Variants in ACACA observed in about 807,000 individuals in gnomAD.
ACACA encodes the protein acetyl-CoA carboxylase 1.
Under a neutral mutation model 296.1 loss-of-function variants are expected in ACACA, and 103 were observed. That is an observed-to-expected ratio of 0.35 (90% confidence interval 0.30 to 0.41). ACACA has a LOEUF of 0.41. ACACA is among the 10% of genes least tolerant of loss of function. The pLI, the probability that ACACA is intolerant of heterozygous loss-of-function variation, is 1.00. For missense variants in ACACA, 1,554 were observed against 2,989.7 expected (o/e 0.52, Z 11.20); for synonymous variants, 953 against 1,038.6 (o/e 0.92, Z 1.58).
In ACACA at chr17:37,260,290, ATATATATTTTTTT is replaced by A. The variant is rs1157323030; in HGVS notation, c.1330-773_1330-761del. ...TATATATATATATATATATATATATATATATATTTTTTTTTTTTTTTTTTTTGGAGATGGAGTC... is the reference window on the plus strand; with the variant it reads ...TATATATATATATATATATATATATATTTTTTTTTTTTTGGAGATGGAGTC... On this transcript the variant is annotated intron_variant, in intron 11 of 55. Transcript: ENST00000616317. 4.2e-3 allele frequency among the ~76,000 whole-genome samples: 74 copies of A among 17,564 alleles called. 3 individuals carry two copies. The highest frequency in any genetic ancestry group is 0.021 in the East Asian group (9 of 422). 11.5% of individuals were successfully genotyped at this position (17,564 alleles called of 152,430 possible).
At chr17:37,257,589 G>A (rs1269062481) in intron 14 of ACACA, 114 bp downstream of exon 14, 3 of 1,039,488 alleles carry the variant, frequency 2.9e-6, no homozygotes, top group Admixed American at 4.3e-5. Flanking sequence ...CTTCAAAAAG[G>A]TTGTTCATAT....
intron 35 of ACACA, among the ~76,000 whole-genome samples, chr17:37,196,407 AAAC>A (rs1392837888): frequency 6.6e-6 from 1 of 152,118 alleles, no homozygotes; most frequent in Admixed American, 6.6e-5. Flanking sequence ...AATAGTCATA[AAAC>A]AACAACTCTC....
At chr17:37,099,484 G>T (rs1038498470) in intron 52 of ACACA, among the ~76,000 whole-genome samples, 53 of 132,274 alleles carry the variant, frequency 4.0e-4, no homozygotes, top group South Asian at 7.0e-4. Flanking sequence ...GGGCTGATGG[G>T]AGGAGGGCTG....
chr17:37,337,101 C>T (rs904146948), intron 2 of ACACA, among the ~76,000 whole-genome samples: 35 of 152,146 alleles, frequency 2.3e-4, no homozygotes, highest in African/African-American at 8.2e-4. Flanking sequence ...AGGCCAGCAT[C>T]CATTAATCTA....
At chr17:37,329,508 G>A (rs974448176) in intron 3 of ACACA, among the ~76,000 whole-genome samples, 2 of 151,908 alleles carry the variant, frequency 1.3e-5, no homozygotes, top group Non-Finnish European at 2.9e-5. Flanking sequence ...AGGCGCAAGG[G>A]CATGCACTTG....
At chr17:37,289,494 C>A (rs1340879063) in intron 3 of ACACA, 1 of 1,352,026 alleles carries the variant, frequency 7.4e-7, no homozygotes, top group Admixed American at 1.9e-5. Context: ...ACCCTCTAGG[C>A]ACCTCCACTT....
rs2074083596 is a variant in ACACA at position 37,113,439 on chromosome 17, G to T, written c.6275-174C>A. 6.6e-6 allele frequency among the ~76,000 whole-genome samples: 1 copy of T among 152,128 alleles called. No individual in the cohort carries two copies. The highest frequency in any genetic ancestry group is 6.5e-5 in the Admixed American group (1 of 15,268). ...CTGTATCCCATTCAAGACTCCAGAG[G>T]ATCTTCAAAAGCACAAGACAGCAAC... On this transcript the variant is annotated intron_variant, in intron 50 of 55. Transcript: ENST00000616317. This position sits in a 1 kb window ranked among gnomAD's most constrained non-coding sequence, Gnocchi z 4.0.
intron 41 of ACACA, chr17:37,162,555 G>C (rs545120418): frequency 7.6e-6 from 2 of 262,966 alleles, no homozygotes; most frequent in African/African-American, 2.3e-5. Context: ...GTTTATGCTA[G>C]ATCTGGTTGT....
intron 55 of ACACA, 138 bp downstream of exon 55, chr17:37,088,800 C>G: frequency 8.4e-7 from 1 of 1,184,712 alleles, no homozygotes; most frequent in Non-Finnish European, 1.3e-6. Context: ...ACCTGTGGGT[C>G]AACTACAGCT....
At chr17:37,339,907 A>G (rs1275004621) in intron 1 of ACACA, 57 bp from the exon 2 acceptor site, 2 of 906,146 alleles carry the variant, frequency 2.2e-6, no homozygotes, top group Admixed American at 4.0e-5. Flanking sequence ...AACTTTTGTC[A>G]ATTCCTGTTT....
intron 41 of ACACA, among the ~76,000 whole-genome samples, chr17:37,176,846 A>C (rs2077134629): frequency 6.6e-6 from 1 of 152,160 alleles, no homozygotes; most frequent in East Asian, 1.9e-4. Flanking sequence ...AATCTAGCTA[A>C]GGCCAATGAC....
intron 10 of ACACA, among the ~76,000 whole-genome samples, chr17:37,270,541 C>T (rs1236254494): frequency 6.6e-6 from 1 of 152,256 alleles, no homozygotes; most frequent in African/African-American, 2.4e-5. Context: ...TTTGAATTAC[C>T]TAATTAAATA....
chr17:37,244,198 TAA>T (rs554571885), intron 21 of ACACA, among the ~76,000 whole-genome samples: 36 of 120,340 alleles, frequency 3.0e-4, no homozygotes, highest in Middle Eastern at 4.2e-3. Context: ...CCACCTCTAC[TAA>T]AAAAAAAAAA....
rs2075021401 is a variant in ACACA, at chr17:37,130,192, G to A, written c.5706C>T (p.Ser1902=). 1.2e-6 allele frequency: 2 copies of A among 1,614,060 alleles called. No homozygotes were observed. The highest frequency in any genetic ancestry group is 1.1e-5 in the South Asian group (1 of 91,082). ...NKVLGREVYT[S]NNQLGGIQIM... ...TCTGGATGCCCCCCAGCTGGTTATT[G>A]GAGGTGTACACTTCCCGCCCGAGGA... The change falls in exon 46 of 56, where the codon TCC becomes TCT. Residue 1902 remains serine (S), a synonymous_variant. Transcript: ENST00000616317.
chr17:37,252,545 A>G (rs1383743934), intron 15 of ACACA, among the ~76,000 whole-genome samples: 1 of 152,174 alleles, frequency 6.6e-6, no homozygotes, highest in Non-Finnish European at 1.5e-5. Context: ...ATAAGTGATA[A>G]CTCTTGATCT....
intron 1 of ACACA, among the ~76,000 whole-genome samples, chr17:37,346,671 C>T (rs1016259479): frequency 1.4e-5 from 2 of 145,042 alleles, no homozygotes; most frequent in African/African-American, 2.6e-5. Context: ...CACTGCACTC[C>T]AGCCTAGGCG....
At chr17:37,356,693 A>AT (rs2147548181) in intron 1 of ACACA, among the ~76,000 whole-genome samples, 2 of 152,098 alleles carry the variant, frequency 1.3e-5, no homozygotes, top group African/African-American at 4.8e-5. Context: ...TATAATTGTT[A>AT]ATCTTTAAGA....
intron 1 of ACACA, among the ~76,000 whole-genome samples, chr17:37,347,347 C>T (rs11263826): frequency 5.9e-5 from 9 of 152,170 alleles, no homozygotes; most frequent in East Asian, 3.9e-4. Context: ...TGTCCAGTCT[C>T]GAGTATGTCT....
chr17:37,208,176 G>C (rs998987295), intron 30 of ACACA, among the ~76,000 whole-genome samples: 1 of 152,138 alleles, frequency 6.6e-6, no homozygotes, highest in African/African-American at 2.4e-5. Context: ...TTAAAAGGAA[G>C]TAAGCAAGCC....
Sources: gnomAD v4.1 joint callset for allele counts (sites outside exome capture counted in the v4.1 genomes callset) on GRCh38, gnomAD v4.1.1 for gene constraint, Gnocchi (gnomAD v3.1) non-coding constraint, MANE v1.5 for transcripts, NCBI Gene and HGNC (gene_info 2026-07-23, HGNC 2026-07-21) for gene names.